STXBP5L: variants seen among roughly 807,000 people sequenced by gnomAD.
STXBP5L encodes the protein syntaxin-binding protein 5-like.
A neutral mutation model predicts 144.5 loss-of-function variants in STXBP5L; 65 were observed. The observed-to-expected ratio is 0.45, with a 90% CI of 0.37 to 0.55. The LOEUF (loss-of-function observed/expected upper bound fraction) is 0.55. STXBP5L is among the 20% of genes least tolerant of loss of function. STXBP5L has a pLI of 0.00. For synonymous variants in STXBP5L, 505 were observed against 469.6 expected, an observed-to-expected ratio of 1.08 and a Z score of -0.97; for missense variants, 1,298 against 1,405.5, an observed-to-expected ratio of 0.92 and a Z score of 1.22.
At chr3:121,101,600 TTTATGATAAACACA>T (rs1199506922) in intron 5 of STXBP5L, among the ~76,000 whole-genome samples, 1 of 152,086 alleles carries the variant, frequency 6.6e-6, no homozygotes, top group African/African-American at 2.4e-5. Flanking sequence ...GTAAGAGCTA[TTTATGATAAACACA>T]TAGCCAATAT....
intron 20 of STXBP5L, among the ~76,000 whole-genome samples, chr3:121,349,170 T>C (rs1416407369): frequency 6.6e-6 from 1 of 152,152 alleles, no homozygotes; most frequent in Non-Finnish European, 1.5e-5. Context: ...TTTGTTCTCA[T>C]TGGTTTCAAA....
At chr3:121,144,521 C>A (rs2045643138) in intron 7 of STXBP5L, among the ~76,000 whole-genome samples, 1 of 151,854 alleles carries the variant, frequency 6.6e-6, no homozygotes, top group Non-Finnish European at 1.5e-5. Context: ...TATGGTGGGA[C>A]TGCAAAATGG....
chr3:121,132,424 G>A (rs1384348182), intron 7 of STXBP5L, among the ~76,000 whole-genome samples: 2 of 152,182 alleles, frequency 1.3e-5, no homozygotes, highest in Admixed American at 6.6e-5. Flanking sequence ...ACTGGGGTCA[G>A]CACAGAGTGA....
At chr3:120,935,680 A>T (rs993501968) in intron 2 of STXBP5L, among the ~76,000 whole-genome samples, 3 of 152,066 alleles carry the variant, frequency 2.0e-5, no homozygotes, top group African/African-American at 7.2e-5. Flanking sequence ...AACACTTTAA[A>T]CATATCACTT....
At chr3:121,137,254 AT>A (rs143500987) in intron 7 of STXBP5L, among the ~76,000 whole-genome samples, 38,329 of 152,050 alleles carry the variant, frequency 0.25, 4,981 homozygotes, top group African/African-American at 0.28. Context: ...AATAAAAAAA[AT>A]GTTGGTTTTT....
intron 19 of STXBP5L, among the ~76,000 whole-genome samples, chr3:121,299,105 T>G (rs922824006): frequency 8.5e-5 from 13 of 152,152 alleles, no homozygotes; most frequent in African/African-American, 3.1e-4. Flanking sequence ...TAATATATAA[T>G]CCTATATTCA....
chr3:121,014,803 A>G (rs1286028965), intron 3 of STXBP5L, among the ~76,000 whole-genome samples: 1 of 152,082 alleles, frequency 6.6e-6, no homozygotes, highest in African/African-American at 2.4e-5. Flanking sequence ...CTAAAAAGCA[A>G]CTATTAGACC....
intron 3 of STXBP5L, among the ~76,000 whole-genome samples, chr3:121,023,886 G>A (rs965740531): frequency 2.0e-5 from 3 of 151,976 alleles, no homozygotes; most frequent in African/African-American, 7.3e-5. Context: ...CTCCCAAGTA[G>A]CTGGGACTAC....
intron 5 of STXBP5L, among the ~76,000 whole-genome samples, chr3:121,095,763 T>A (rs1051699140): frequency 6.7e-6 from 1 of 149,214 alleles, no homozygotes; most frequent in Non-Finnish European, 1.5e-5. Context: ...AGTTTGATCG[T>A]CTGAAGCCTT....
At chr3:120,995,847 A>G (rs897715860) in intron 3 of STXBP5L, among the ~76,000 whole-genome samples, 1 of 152,138 alleles carries the variant, frequency 6.6e-6, no homozygotes, top group Non-Finnish European at 1.5e-5. Context: ...ACCCGTTCTT[A>G]TGTTACTATT....
intron 9 of STXBP5L, among the ~76,000 whole-genome samples, chr3:121,202,077 A>G (rs2108216425): frequency 6.6e-6 from 1 of 151,934 alleles, no homozygotes; most frequent in Admixed American, 6.6e-5. Flanking sequence ...TTTTTTGTCC[A>G]ATTTTTTGTT....
At position 121,424,341 on chromosome 3, in the gene STXBP5L, T is replaced by C. The variant is rs1424364667; in HGVS notation, c.*5244T>C. On this transcript the variant is annotated 3_prime_UTR_variant, in exon 27 of 27. Transcript: ENST00000471454. Reference sequence around the variant, plus strand: ...CTGTAACTTCCTATATGACATCCAGTGCCCTGAAAGGGTGCTTACACCTTC... The same window carrying C: ...CTGTAACTTCCTATATGACATCCAGCGCCCTGAAAGGGTGCTTACACCTTC... The C allele has an allele frequency of 6.6e-6, 1 of 152,216 alleles. No individual in the cohort carries two copies. The highest frequency in any genetic ancestry group is 1.5e-5 in the Non-Finnish European group (1 of 68,044). The allele number at this position is 152,216 out of a possible 1,614,324, so 9.4% of individuals were successfully genotyped here. A position where few individuals can be genotyped will look rare whatever the true frequency, so the allele number is the denominator to read the frequency against.
chr3:121,085,274 G>C (rs941671000), intron 5 of STXBP5L, among the ~76,000 whole-genome samples: 1 of 152,006 alleles, frequency 6.6e-6, no homozygotes, highest in Non-Finnish European at 1.5e-5. Context: ...TGACGTTTTT[G>C]TCATGAAATC....
chr3:121,130,861 G>GAT (rs915432305), intron 7 of STXBP5L, among the ~76,000 whole-genome samples: 9 of 151,406 alleles, frequency 5.9e-5, no homozygotes, highest in Non-Finnish European at 1.2e-4. Context: ...TCAAAATAGT[G>GAT]ATATATATAT....
rs144782966 is a variant in STXBP5L, at chr3:121,061,397, T to C, written c.470+15862T>C. Among the ~76,000 whole-genome samples, 686 of 152,296 alleles carry C rather than the reference T, an allele frequency of 4.5e-3. 5 individuals are homozygous for C. The highest frequency in any genetic ancestry group is 0.015 in the African/African-American group (636 of 41,562). ...GAGGAGTGTTTTACTTCCAGTTATG[T>C]GGCCAGTTTTAGAATAAGTATGATG... is the stretch of plus-strand genomic sequence containing the variant. On this transcript the variant is annotated intron_variant, in intron 5 of 26. Transcript: ENST00000471454.
chr3:120,921,206 T>C (rs947132022), intron 2 of STXBP5L, among the ~76,000 whole-genome samples: 1 of 152,048 alleles, frequency 6.6e-6, no homozygotes, highest in African/African-American at 2.4e-5. Context: ...TAGTTTTGAT[T>C]TGCATTTCTC....
At position 121,032,330 on chromosome 3, in the gene STXBP5L, T is replaced by C. The variant is rs1255435796; in HGVS notation, c.288-9370T>C. On this transcript the variant is annotated intron_variant, in intron 3 of 26. Coordinates refer to ENST00000471454, the MANE Select transcript of STXBP5L (RefSeq NM_001308330.2). Reference sequence around the variant, plus strand: ...GAATGTATCATGAAGAAAGGTTTGATTATAAAGTCAAATATTGCAATAGGG... The same window carrying C: ...GAATGTATCATGAAGAAAGGTTTGACTATAAAGTCAAATATTGCAATAGGG... Among the ~76,000 whole-genome samples, 3 of 151,704 alleles carry C rather than the reference T, an allele frequency of 2.0e-5. No homozygotes were observed. The East Asian group carries it at 5.8e-4, about 29-fold the overall frequency.
At chr3:120,996,141 A>T (rs1234343226) in intron 3 of STXBP5L, among the ~76,000 whole-genome samples, 2 of 151,978 alleles carry the variant, frequency 1.3e-5, no homozygotes, top group African/African-American at 4.8e-5. Context: ...TTTATTTGTA[A>T]TACAGTATTT....
intron 3 of STXBP5L, among the ~76,000 whole-genome samples, chr3:120,983,631 C>T (rs1233030924): frequency 2.0e-5 from 3 of 152,018 alleles, no homozygotes; most frequent in African/African-American, 7.2e-5. Context: ...ATCCTGGAGG[C>T]CTGGGAGGAC....
Sources: allele counts gnomAD v4.1 joint callset (sites outside exome capture counted in the v4.1 genomes callset), GRCh38; gene constraint gnomAD v4.1.1; transcripts MANE v1.5; gene names NCBI Gene and HGNC (gene_info 2026-07-23, HGNC 2026-07-21).